CYP2C18: variants seen among roughly 807,000 people sequenced by gnomAD.
CYP2C18 encodes cytochrome P450 2C18.
CYP2C18 carries 38 observed loss-of-function variants against 41.3 expected under a neutral mutation model. That is an observed-to-expected ratio of 0.92 (90% CI 0.71 to 1.21). The LOEUF (loss-of-function observed/expected upper bound fraction) is 1.21, where lower values mean the gene tolerates loss of function less well. CYP2C18 is among the 50% of genes most tolerant of loss of function. The pLI, the probability that CYP2C18 is intolerant of heterozygous loss-of-function variation, is 0.00. For synonymous variants in CYP2C18, 236 were observed against 210.0 expected (o/e 1.12, Z -1.07); for missense variants, 635 against 591.4 (o/e 1.07, Z -0.77).
intron 5 of CYP2C18, among the ~76,000 whole-genome samples, chr10:94,719,871 G>A (rs1221859850): frequency 1.3e-5 from 2 of 151,804 alleles, no homozygotes; most frequent in Admixed American, 6.6e-5. Flanking sequence ...ACCATGCCTG[G>A]CCAAGTTTTT....
chr10:94,727,525 G>A (rs982426797), intron 7 of CYP2C18, among the ~76,000 whole-genome samples: 22 of 152,102 alleles, frequency 1.4e-4, no homozygotes, highest in African/African-American at 4.8e-4. Context: ...TGAAGTGGGA[G>A]GATTGCTGGT....
At chr10:94,728,660 T>C in intron 7 of CYP2C18, 1 of 923,144 alleles carries the variant, frequency 1.1e-6, no homozygotes, top group Non-Finnish European at 1.3e-6. Flanking sequence ...TACTTGTTGA[T>C]ATCATCTCAG....
At chr10:94,706,310 A>G (rs1016599805) in intron 4 of CYP2C18, among the ~76,000 whole-genome samples, 1 of 152,134 alleles carries the variant, frequency 6.6e-6, no homozygotes, top group African/African-American at 2.4e-5. Flanking sequence ...GTTACATTTT[A>G]TGGTATCTTT....
At chr10:94,720,127 G>T (rs1490040420) in intron 5 of CYP2C18, among the ~76,000 whole-genome samples, 1 of 152,064 alleles carries the variant, frequency 6.6e-6, no homozygotes, top group Non-Finnish European at 1.5e-5. Flanking sequence ...CTGCTTATAT[G>T]TCATAGACAA....
chr10:94,684,995 GA>G (rs1024453072), intron 1 of CYP2C18, among the ~76,000 whole-genome samples: 8 of 151,092 alleles, frequency 5.3e-5, no homozygotes, highest in African/African-American at 2.0e-4. Context: ...GTCTTTTTTT[GA>G]AAAATGTCTA....
intron 5 of CYP2C18, among the ~76,000 whole-genome samples, chr10:94,716,632 T>A (rs780371994): frequency 6.6e-6 from 1 of 152,194 alleles, no homozygotes; most frequent in Admixed American, 6.5e-5. Context: ...ACGTGCGATA[T>A]GGTGCTGAGA....
chr10:94,711,733 A>G (rs1453010246), intron 5 of CYP2C18, among the ~76,000 whole-genome samples: 1 of 152,080 alleles, frequency 6.6e-6, no homozygotes, highest in Non-Finnish European at 1.5e-5. Context: ...AATTCCTTAT[A>G]CAATGTAAAT....
chr10:94,701,435 C>T (rs555569150), intron 4 of CYP2C18, among the ~76,000 whole-genome samples: 4 of 151,360 alleles, frequency 2.6e-5, no homozygotes, highest in East Asian at 1.9e-4. Context: ...CACACGGACA[C>T]GGGAAGGGGA....
chr10:94,691,219 G>A (rs571643218), intron 3 of CYP2C18, among the ~76,000 whole-genome samples: 2 of 152,296 alleles, frequency 1.3e-5, no homozygotes, highest in South Asian at 4.1e-4. Flanking sequence ...ATTAGGAAAA[G>A]AGGAAGTCAA....
chr10:94,735,218 G>T, intron 8 of CYP2C18, 45 bp from the exon 9 acceptor site: 2 of 1,571,588 alleles, frequency 1.3e-6, no homozygotes, highest in South Asian at 1.1e-5. Context: ...GACTGTTCAT[G>T]ACCTAATGTT....
chr10:94,689,627 C>T (rs1846960804), intron 3 of CYP2C18, among the ~76,000 whole-genome samples: 1 of 151,968 alleles, frequency 6.6e-6, no homozygotes, highest in Non-Finnish European at 1.5e-5. Flanking sequence ...GCTCAAGTCC[C>T]TTAGATATGG....
chr10:94,717,059 T>C (rs1465546218), intron 5 of CYP2C18, among the ~76,000 whole-genome samples: 1 of 152,206 alleles, frequency 6.6e-6, no homozygotes, highest in Non-Finnish European at 1.5e-5. Context: ...TCCCTTTATT[T>C]TGAGTCTGTG....
chr10:94,708,106 A>G lies in CYP2C18; in HGVS notation c.819+1146A>G, dbSNP rs79393185. 8.5e-5 allele frequency among the ~76,000 whole-genome samples: 13 copies of G among 152,330 alleles called. No homozygotes were observed. The East Asian group carries it at 2.1e-3, about 25-fold the overall frequency. ...TTACAGCACTAGGTGGAAATGCAGA[A>G]TCAGTCAGTAGGTGAAAATGGGACA... On this transcript the variant is annotated intron_variant, in intron 5 of 8. Transcript: ENST00000285979.
chr10:94,689,898 A>AAAT (rs542764918), intron 3 of CYP2C18, among the ~76,000 whole-genome samples: 58 of 152,168 alleles, frequency 3.8e-4, no homozygotes, highest in African/African-American at 1.3e-3. Context: ...GAGCCCACAG[A>AAAT]AATTGTTCAA....
intron 4 of CYP2C18, among the ~76,000 whole-genome samples, chr10:94,700,211 T>C (rs1048280584): frequency 1.3e-5 from 2 of 152,192 alleles, no homozygotes; most frequent in East Asian, 1.9e-4. Flanking sequence ...GGCATCACAC[T>C]ACCTGACTTC....
rs143341184 is a variant in CYP2C18, at chr10:94,687,787, C to T, written c.186C>T (p.Gly62=). The T allele has an allele frequency of 3.5e-5, 56 of 1,613,214 alleles. No homozygotes were observed. In the African/African-American group the frequency reaches 6.0e-4, roughly 17 times the overall value. Residue 62 remains glycine, a synonymous_variant, in exon 2 of 9, where the codon GGC becomes GGT. Coordinates refer to ENST00000285979, the MANE Select transcript of CYP2C18 (RefSeq NM_000772.3). ...KSLTNFSKVY[G]PVFTVYFGLK... ...ATGTTTAGTTCTCAAAAGTCTATGG[C>T]CCTGTGTTCACTGTGTATTTTGGCC...
intron 3 of CYP2C18, 25 bp from the exon 4 acceptor site, chr10:94,694,892 A>T: frequency 6.2e-7 from 1 of 1,601,888 alleles, no homozygotes; most frequent in South Asian, 1.1e-5. Context: ...TTTAATGGTA[A>T]TTTAAAATAT....
chr10:94,721,932 T>C (rs1847653216), intron 6 of CYP2C18, among the ~76,000 whole-genome samples: 1 of 152,186 alleles, frequency 6.6e-6, no homozygotes, highest in African/African-American at 2.4e-5. Flanking sequence ...GTTGATTTTA[T>C]GAATTTGCCT....
intron 4 of CYP2C18, among the ~76,000 whole-genome samples, chr10:94,700,856 G>A (rs1042376521): frequency 9.9e-5 from 15 of 152,108 alleles, no homozygotes; most frequent in African/African-American, 3.6e-4. Flanking sequence ...GCAGCCAAAG[G>A]ACACATGAAA....
Sources: gnomAD v4.1 joint callset for allele counts (sites outside exome capture counted in the v4.1 genomes callset) on GRCh38, gnomAD v4.1.1 for gene constraint, MANE v1.5 for transcripts, NCBI Gene and HGNC (gene_info 2026-07-23, HGNC 2026-07-21) for gene names.